The following NEB variants were observed in gnomAD, a reference collection of about 807,000 sequenced individuals.
NEB encodes nemaline myopathy type 2.
Under a neutral mutation model 952.2 loss-of-function variants are expected in NEB, and 512 were observed. The observed-to-expected ratio is 0.54, with a 90% CI of 0.50 to 0.58. The LOEUF is 0.58. Ranked by LOEUF, NEB falls within the 20% of genes least tolerant of loss-of-function variation. The pLI, the probability that NEB is intolerant of heterozygous loss-of-function variation, is 0.00. For missense variants in NEB, 8,428 were observed against 9,231.1 expected, an observed-to-expected ratio of 0.91 and a Z score of 3.56; for synonymous variants, 2,900 against 3,149.8, an observed-to-expected ratio of 0.92 and a Z score of 2.66.
chr2:151,643,085 A>G lies in NEB; in HGVS notation c.8160+65T>C. On this transcript the variant is annotated intron_variant, in intron 58 of 181. Coordinates refer to ENST00000397345, the MANE Select transcript of NEB (RefSeq NM_001164508.2). Reference sequence around the variant, plus strand: ...CAAAAACAAGTTTTCTTTTATACAAACAGACTTCAGTGTTTCCATAAACAA... The same window carrying G: ...CAAAAACAAGTTTTCTTTTATACAAGCAGACTTCAGTGTTTCCATAAACAA... The G allele has an allele frequency of 6.7e-6, 10 of 1,487,118 alleles. No individual in the cohort carries two copies. In the South Asian group the frequency reaches 1.1e-4, roughly 16 times the overall value. The allele number at this position is 1,487,118 out of a possible 1,614,324, so 92.1% of individuals were successfully genotyped here.
chr2:151,701,272 G>T (rs531723796), intron 13 of NEB, among the ~76,000 whole-genome samples: 11 of 151,112 alleles, frequency 7.3e-5, no homozygotes, highest in South Asian at 2.1e-4. Flanking sequence ...TTTGCCAGTA[G>T]TTTATTGAGG....
intron 167 of NEB, among the ~76,000 whole-genome samples, chr2:151,501,834 GGAGA>G (rs1377696563): frequency 6.6e-6 from 1 of 151,712 alleles, no homozygotes; most frequent in Admixed American, 6.6e-5. Context: ...CAAAGAAAGA[GGAGA>G]GAGAGAGACA....
At chr2:151,667,731 A>G in intron 40 of NEB, 73 bp downstream of exon 40, 1 of 1,151,118 alleles carries the variant, frequency 8.7e-7, no homozygotes, top group Non-Finnish European at 1.3e-6. Flanking sequence ...GGGTCTTGCT[A>G]TGTTGCCCAG....
At chr2:151,684,520 A>G (rs575621498) in intron 28 of NEB, among the ~76,000 whole-genome samples, 3 of 152,242 alleles carry the variant, frequency 2.0e-5, no homozygotes, top group Admixed American at 2.0e-4. Context: ...TTTTTGATTT[A>G]TTTCCATTTT....
intron 1 of NEB, among the ~76,000 whole-genome samples, chr2:151,734,115 A>G (rs2099815772): frequency 6.6e-6 from 1 of 152,196 alleles, no homozygotes; most frequent in Non-Finnish European, 1.5e-5. Context: ...TCTTTTTCAC[A>G]CTAATATATT....
At position 151,492,293 on chromosome 2, in the gene NEB, T is replaced by C. The variant is rs1213485329; in HGVS notation, c.24874-12A>G. The C allele has an allele frequency of 1.2e-6, 2 of 1,606,536 alleles. No individual in the cohort carries two copies. The highest frequency in any genetic ancestry group is 1.7e-6 in the Non-Finnish European group (2 of 1,175,124). ...TCATGATATTTCACCTGAAATGTCA[T>C]GAATTTGCTTTATGAAAATATGATG... On this transcript the variant is annotated splice_polypyrimidine_tract_variant and intron_variant, in intron 177 of 181. Transcript: ENST00000397345.
At position 151,724,899 on chromosome 2, in the gene NEB, C is replaced by T. The variant is rs769945835; in HGVS notation, c.465G>A (p.Lys155=). 6.2e-7 allele frequency: 1 copy of T among 1,613,844 alleles called. No homozygotes were observed. Among genetic ancestry groups the T allele is most frequent in the Non-Finnish European group, 8.5e-7 (1 of 1,179,840 alleles). ...ACACTTTCTTTGCATGTTCAATATC[C>T]TTTGCTTTTTCATCTACGTGACATA... is the stretch of plus-strand genomic sequence containing the variant. The part of the protein sequence containing the change: ...KTICHVDEKA[K]DIEHAKKVSQ... The change falls in exon 7 of 182, where the codon AAG becomes AAA. Residue 155 remains lysine, a synonymous_variant. Transcript: ENST00000397345.
At chr2:151,690,969 CTG>C in intron 23 of NEB, 144 bp from the exon 24 acceptor site, 17 of 642,798 alleles carry the variant, frequency 2.6e-5, no homozygotes, top group South Asian at 2.3e-4. Flanking sequence ...ACTTCTCTGT[CTG>C]TCTCTCTCTC....
chr2:151,560,535 G>A (rs1466655859), intron 124 of NEB, 57 bp downstream of exon 124: 3 of 1,309,244 alleles, frequency 2.3e-6, no homozygotes, highest in Admixed American at 2.0e-5. Context: ...TTCTTGGAGT[G>A]GAGAGCAGGG....
intron 72 of NEB, among the ~76,000 whole-genome samples, chr2:151,620,393 T>TA (rs2098388397): frequency 6.3e-5 from 5 of 78,998 alleles, no homozygotes; most frequent in Non-Finnish European, 1.1e-4. Flanking sequence ...ATATATATAT[T>TA]TAACCAGAAT....
chr2:151,545,532 G>A (rs1402595287), intron 135 of NEB, among the ~76,000 whole-genome samples: 4 of 151,762 alleles, frequency 2.6e-5, no homozygotes, highest in African/African-American at 9.7e-5. Flanking sequence ...CCGAGATTGC[G>A]CCATTGCACT....
intron 75 of NEB, among the ~76,000 whole-genome samples, chr2:151,616,992 T>C (rs1040015744): frequency 6.6e-6 from 1 of 152,224 alleles, no homozygotes; most frequent in Non-Finnish European, 1.5e-5. Context: ...CAGAGCATAC[T>C]GGAGCAGCAA....
intron 53 of NEB, 52 bp from the exon 54 acceptor site, chr2:151,650,431 G>T: frequency 6.4e-7 from 1 of 1,563,194 alleles, no homozygotes; most frequent in South Asian, 1.1e-5. Flanking sequence ...CTGGACCCTT[G>T]ATTCAAGTGA....
chr2:151,656,405 G>A lies in NEB; in HGVS notation c.6243C>T (p.Leu2081=), dbSNP rs774982299. 6.2e-6 allele frequency: 10 copies of A among 1,613,288 alleles called. No individual in the cohort carries two copies. The South Asian group carries it at 6.6e-5, about 11-fold the overall frequency. ...AATGGACTAATTTGGGATCATCCTC[G>A]AGACTGCGGAAACCAACCATTTTCC... ...GKGKMVGFRS[L]EDDPKLVHSM... The change falls in exon 49 of 182, where the codon CTC becomes CTT. Residue 2081 remains leucine (L), a synonymous_variant. Transcript: ENST00000397345.
In NEB at chr2:151,640,074, T is replaced by C; in HGVS notation, c.8686-14A>G. On this transcript the variant is annotated splice_polypyrimidine_tract_variant and intron_variant, in intron 61 of 181. Transcript: ENST00000397345. ...CTTGTACATATTCTGTTGACACAAA[T>C]AGCCAATAAATATTTATCTCTGTAT... The C allele has an allele frequency of 1.2e-6, 2 of 1,602,322 alleles. No homozygotes were observed. Among genetic ancestry groups the C allele is most frequent in the South Asian group, 1.1e-5 (1 of 90,780 alleles).
At chr2:151,610,710 A>G in intron 79 of NEB, 52 bp downstream of exon 79, 1 of 1,584,536 alleles carries the variant, frequency 6.3e-7, no homozygotes, top group Non-Finnish European at 8.7e-7. Context: ...TTACGGTGGA[A>G]AAAGCATTTT....
chr2:151,504,916 A>AC (rs1432394308), intron 165 of NEB, among the ~76,000 whole-genome samples: 3 of 152,124 alleles, frequency 2.0e-5, no homozygotes, highest in Non-Finnish European at 4.4e-5. Flanking sequence ...CGCAGCCTGT[A>AC]CCACTGCATT....
intron 45 of NEB, among the ~76,000 whole-genome samples, chr2:151,662,640 T>C (rs2099161240): frequency 6.6e-6 from 1 of 152,204 alleles, no homozygotes; most frequent in Non-Finnish European, 1.5e-5. Context: ...AAATACCACA[T>C]AGATTCATCT....
At chr2:151,541,192 A>G (rs2094005996) in intron 136 of NEB, among the ~76,000 whole-genome samples, 1 of 152,218 alleles carries the variant, frequency 6.6e-6, no homozygotes, top group Non-Finnish European at 1.5e-5. Flanking sequence ...TGATCAAGCA[A>G]TTATTTTCAT....
Sources: gnomAD v4.1 joint callset for allele counts (sites outside exome capture counted in the v4.1 genomes callset) on GRCh38, gnomAD v4.1.1 for gene constraint, MANE v1.5 for transcripts, NCBI Gene and HGNC (gene_info 2026-07-23, HGNC 2026-07-21) for gene names.